Variants in CACNB2 observed in about 807,000 individuals in gnomAD.
CACNB2 encodes the protein calcium voltage-gated channel auxiliary subunit beta 2.
CACNB2 carries 42 observed loss-of-function variants against 73.3 expected under a neutral mutation model. That is an observed-to-expected ratio of 0.57 (90% CI 0.45 to 0.74). The LOEUF (loss-of-function observed/expected upper bound fraction) is 0.74, where lower values mean the gene tolerates loss of function less well. CACNB2 is among the 30% of genes least tolerant of loss of function. The pLI is 0.00. For synonymous variants in CACNB2, 348 were observed against 310.3 expected (o/e 1.12, Z -1.28); for missense variants, 940 against 853.0 (o/e 1.10, Z -1.27).
chr10:18,411,317 T>G (rs547859562), intron 3 of CACNB2, among the ~76,000 whole-genome samples: 1 of 152,248 alleles, frequency 6.6e-6, no homozygotes, highest in African/African-American at 2.4e-5. Flanking sequence ...TCTTCCCTGT[T>G]GACATATACT....
At chr10:18,159,075 T>G (rs1328769400) in intron 2 of CACNB2, among the ~76,000 whole-genome samples, 1 of 152,134 alleles carries the variant, frequency 6.6e-6, no homozygotes, top group Non-Finnish European at 1.5e-5. Context: ...TTTGAAAATG[T>G]CTTCATTTTC....
chr10:18,446,453 A>T (rs10828706), intron 3 of CACNB2, among the ~76,000 whole-genome samples: 1 of 151,886 alleles, frequency 6.6e-6, no homozygotes, highest in Non-Finnish European at 1.5e-5. Flanking sequence ...GGGGCCTGAC[A>T]TGTTAAGGTG....
intron 3 of CACNB2, among the ~76,000 whole-genome samples, chr10:18,431,311 C>T (rs1049126243): frequency 1.3e-5 from 2 of 152,076 alleles, no homozygotes; most frequent in African/African-American, 4.8e-5. Flanking sequence ...TTAAAACAAC[C>T]ACACAGTGTT....
chr10:18,499,293 C>G (rs942621116), intron 4 of CACNB2, among the ~76,000 whole-genome samples: 1 of 152,082 alleles, frequency 6.6e-6, no homozygotes, highest in Non-Finnish European at 1.5e-5. Context: ...GCACTAAAGG[C>G]TGTCAGCAAA....
At chr10:18,391,706 C>T (rs1463950785) in intron 2 of CACNB2, among the ~76,000 whole-genome samples, 3 of 152,064 alleles carry the variant, frequency 2.0e-5, no homozygotes, top group Non-Finnish European at 4.4e-5. Flanking sequence ...GCACATGGAT[C>T]TCTTGAATCC....
At chr10:18,371,821 A>T (rs2042596723) in intron 2 of CACNB2, among the ~76,000 whole-genome samples, 1 of 152,356 alleles carries the variant, frequency 6.6e-6, no homozygotes, top group South Asian at 2.1e-4. Flanking sequence ...TCCCACCAAC[A>T]GTGTAAAAGT....
At chr10:18,513,561 T>G (rs2050982035) in intron 6 of CACNB2, 1 of 392,498 alleles carries the variant, frequency 2.5e-6, no homozygotes, top group Non-Finnish European at 5.1e-6. Flanking sequence ...CCAAATGCAT[T>G]GTTGATATTG....
At chr10:18,315,899 T>G (rs970396492) in intron 2 of CACNB2, among the ~76,000 whole-genome samples, 2 of 152,166 alleles carry the variant, frequency 1.3e-5, no homozygotes, top group Admixed American at 6.5e-5. Flanking sequence ...CTGACACCAT[T>G]CTGCAGTTTC....
At chr10:18,536,242 C>CTTTTTTTTTTTTTTT in intron 12 of CACNB2, 46 bp downstream of exon 12, 2 of 281,292 alleles carry the variant, frequency 7.1e-6, no homozygotes, top group South Asian at 8.7e-5. Context: ...AGAGATCAGA[C>CTTTTTTTTTTTTTTT]CTTTTTTTTT....
chr10:18,524,167 G>C (rs1047128490), intron 9 of CACNB2, among the ~76,000 whole-genome samples: 1 of 151,636 alleles, frequency 6.6e-6, no homozygotes, highest in Non-Finnish European at 1.5e-5. Context: ...TAACAAGGAA[G>C]TTGAGAACAA....
At chr10:18,446,298 A>C (rs1055477411) in intron 3 of CACNB2, among the ~76,000 whole-genome samples, 1 of 152,210 alleles carries the variant, frequency 6.6e-6, no homozygotes, top group Non-Finnish European at 1.5e-5. Context: ...TCTTTCATTG[A>C]GTGAAGGTTT....
intron 2 of CACNB2, among the ~76,000 whole-genome samples, chr10:18,236,414 A>T (rs573916439): frequency 2.0e-5 from 3 of 152,344 alleles, no homozygotes; most frequent in Admixed American, 6.5e-5. Context: ...AAAACAGGTG[A>T]GGTAGAGAGA....
intron 2 of CACNB2, among the ~76,000 whole-genome samples, chr10:18,231,369 G>A (rs997172076): frequency 2.0e-5 from 3 of 152,088 alleles, no homozygotes; most frequent in African/African-American, 7.2e-5. Flanking sequence ...AGTAGAGATG[G>A]GGTTTCGCCA....
At chr10:18,316,835 T>C (rs1010134830) in intron 2 of CACNB2, among the ~76,000 whole-genome samples, 6 of 152,192 alleles carry the variant, frequency 3.9e-5, no homozygotes, top group Admixed American at 3.9e-4. Context: ...TCTCTGTCCT[T>C]TTTGTATTAG....
At chr10:18,326,785 G>A (rs1482731679) in intron 2 of CACNB2, among the ~76,000 whole-genome samples, 1 of 152,174 alleles carries the variant, frequency 6.6e-6, no homozygotes, top group Non-Finnish European at 1.5e-5. Flanking sequence ...GGAGTACAGT[G>A]GTGTGATCAG....
intron 7 of CACNB2, among the ~76,000 whole-genome samples, chr10:18,516,576 C>G (rs2051303839): frequency 6.6e-6 from 1 of 152,168 alleles, no homozygotes; most frequent in African/African-American, 2.4e-5. Context: ...GGCTTCTAAA[C>G]GTTTTCAGTA....
intron 2 of CACNB2, among the ~76,000 whole-genome samples, chr10:18,325,137 T>G (rs11599327): frequency 0.21 from 32,362 of 152,180 alleles, 3,690 homozygotes; most frequent in Middle Eastern, 0.26. Flanking sequence ...GCATCCCCGT[T>G]TTTTAGTTGC....
intron 9 of CACNB2, among the ~76,000 whole-genome samples, chr10:18,526,043 TG>T: frequency 6.6e-6 from 1 of 152,246 alleles, no homozygotes; most frequent in African/African-American, 2.4e-5. Context: ...CAAACTGTCC[TG>T]TGCTCAAATT....
chr10:18,428,209 T>C (rs1414208022), intron 3 of CACNB2, among the ~76,000 whole-genome samples: 1 of 152,216 alleles, frequency 6.6e-6, no homozygotes, highest in Non-Finnish European at 1.5e-5. Flanking sequence ...GGGAGAGAGC[T>C]CTTTTTTTTA....
Sources: allele counts gnomAD v4.1 joint callset (sites outside exome capture counted in the v4.1 genomes callset), GRCh38; gene constraint gnomAD v4.1.1; transcripts MANE v1.5; gene names NCBI Gene and HGNC (gene_info 2026-07-23, HGNC 2026-07-21).